Variants in DIS3L2 observed in about 807,000 individuals in gnomAD.
DIS3L2 encodes DIS3-like exonuclease 2.
DIS3L2 carries 34 observed loss-of-function variants against 97.5 expected under a neutral mutation model. The ratio of observed to expected loss-of-function variants is 0.35; its 90% confidence interval spans 0.27 to 0.46. The LOEUF is 0.46. Ranked by LOEUF, DIS3L2 falls within the 20% of genes least tolerant of loss-of-function variation. The pLI is 1.00. For synonymous variants in DIS3L2, 435 were observed against 445.2 expected (o/e 0.98, Z 0.29); for missense variants, 1,038 against 1,146.0 (o/e 0.91, Z 1.36).
At chr2:232,016,540 G>A (rs2106223014) in intron 3 of DIS3L2, among the ~76,000 whole-genome samples, 1 of 152,288 alleles carries the variant, frequency 6.6e-6, no homozygotes, top group African/African-American at 2.4e-5. Context: ...GGTAGGTATT[G>A]AGGGTCTAGT....
At chr2:231,985,364 A>G (rs1201227453) in intron 1 of DIS3L2, among the ~76,000 whole-genome samples, 3 of 152,208 alleles carry the variant, frequency 2.0e-5, no homozygotes, top group Non-Finnish European at 2.9e-5. Flanking sequence ...TTCTTTATTC[A>G]GTGTAATTCC....
In DIS3L2 at chr2:232,210,686, C is replaced by T. The variant is rs60315630; in HGVS notation, c.1204+281C>T. ...GAGTGCTAAAGAATGAATTCCAAGC[C>T]TTGGCCCTTCAGATGGTTCCAGTGT... is the stretch of plus-strand genomic sequence containing the variant. On this transcript the variant is annotated intron_variant, in intron 10 of 20. Transcript: ENST00000325385. Among the ~76,000 whole-genome samples, 322 of 152,338 alleles carry T rather than the reference C, an allele frequency of 2.1e-3. 2 individuals are homozygous for T. Among genetic ancestry groups the T allele is most frequent in the African/African-American group, 7.2e-3 (299 of 41,576 alleles).
chr2:232,216,182 C>G (rs1692327187), intron 10 of DIS3L2, among the ~76,000 whole-genome samples: 1 of 152,230 alleles, frequency 6.6e-6, no homozygotes, highest in Non-Finnish European at 1.5e-5. Flanking sequence ...TATTCCTTAT[C>G]CCTTTTACAG....
chr2:232,339,304 C>T (rs1253862139), downstream of DIS3L2, among the ~76,000 whole-genome samples: 5 of 152,216 alleles, frequency 3.3e-5, no homozygotes, highest in South Asian at 6.2e-4. Context: ...CCAGAGGAGG[C>T]GAGGCCTCTG....
chr2:232,174,749 A>G (rs1227822757), intron 9 of DIS3L2, among the ~76,000 whole-genome samples: 1 of 152,116 alleles, frequency 6.6e-6, no homozygotes, highest in Admixed American at 6.5e-5. Context: ...TACTCAAGCT[A>G]GGACCTTCTG....
At chr2:231,985,479 C>T (rs895571784) in intron 1 of DIS3L2, among the ~76,000 whole-genome samples, 4 of 152,178 alleles carry the variant, frequency 2.6e-5, no homozygotes, top group African/African-American at 9.7e-5. Context: ...AACCATTCAT[C>T]TGTTGAATGA....
chr2:232,080,726 C>T (rs1049473093), intron 5 of DIS3L2, among the ~76,000 whole-genome samples: 1 of 151,810 alleles, frequency 6.6e-6, no homozygotes, highest in African/African-American at 2.4e-5. Context: ...CATGACAAAA[C>T]CCCATCTCTA....
chr2:232,338,948 G>T (rs73995237), downstream of DIS3L2, among the ~76,000 whole-genome samples: 1 of 152,260 alleles, frequency 6.6e-6, no homozygotes. Context: ...AGGAGACACC[G>T]TGGGGGAGGG....
chr2:232,324,827 T>C (rs1041260787), intron 14 of DIS3L2, among the ~76,000 whole-genome samples: 1 of 152,152 alleles, frequency 6.6e-6, no homozygotes, highest in East Asian at 1.9e-4. Context: ...GGGAAACAAA[T>C]TGAGATTACA....
At chr2:232,287,272 T>G (rs934205473) in intron 13 of DIS3L2, among the ~76,000 whole-genome samples, 1 of 152,110 alleles carries the variant, frequency 6.6e-6, no homozygotes, top group Non-Finnish European at 1.5e-5. Flanking sequence ...TTAAATGATT[T>G]TCAACTGTGA....
At chr2:232,059,768 A>G (rs1695650244) in intron 5 of DIS3L2, among the ~76,000 whole-genome samples, 1 of 152,142 alleles carries the variant, frequency 6.6e-6, no homozygotes, top group Non-Finnish European at 1.5e-5. Flanking sequence ...TTTACTTAGG[A>G]TAGTGGCCTC....
At chr2:232,327,177 T>A (rs147767486) in intron 14 of DIS3L2, among the ~76,000 whole-genome samples, 3,455 of 151,906 alleles carry the variant, frequency 0.023, 100 homozygotes, top group African/African-American at 0.072. Context: ...CACAGAGGAG[T>A]AACCAGGGGC....
intron 14 of DIS3L2, among the ~76,000 whole-genome samples, chr2:232,319,708 G>A (rs1452667106): frequency 1.3e-5 from 2 of 152,244 alleles, no homozygotes; most frequent in East Asian, 1.9e-4. Context: ...CCAGGTACCA[G>A]GAGAGCTTTC....
intron 12 of DIS3L2, among the ~76,000 whole-genome samples, chr2:232,262,995 A>G (rs1296523489): frequency 1.3e-5 from 2 of 152,244 alleles, no homozygotes; most frequent in African/African-American, 4.8e-5. Flanking sequence ...CCATTGGATT[A>G]ATTCCACGCC....
At chr2:232,084,977 C>G (rs1463519038) in intron 5 of DIS3L2, among the ~76,000 whole-genome samples, 1 of 152,034 alleles carries the variant, frequency 6.6e-6, no homozygotes, top group African/African-American at 2.4e-5. Flanking sequence ...GTTAATTGAA[C>G]CTACTGTATT....
Position 232,174,097 on chromosome 2 carries a change from T to C in DIS3L2, c.1124+10465T>C, listed in dbSNP as rs144057036. Among the ~76,000 whole-genome samples, 773 of 152,316 alleles carry C rather than the reference T, an allele frequency of 5.1e-3. 19 individuals carry two copies. The South Asian group carries it at 0.075, about 15-fold the overall frequency. On this transcript the variant is annotated intron_variant, in intron 9 of 20. Transcript: ENST00000325385. Reference sequence around the variant, plus strand: ...GATGTCTGTCCATTAATTAGGTCTTTAATTTCTTTCAATGATGTTTTGTAG... The same window carrying C: ...GATGTCTGTCCATTAATTAGGTCTTCAATTTCTTTCAATGATGTTTTGTAG...
Position 232,336,797 on chromosome 2 carries a change from G to C in DIS3L2, c.*167G>C. On this transcript the variant is annotated 3_prime_UTR_variant, in exon 21 of 21. Transcript: ENST00000325385. ...CTCAACTTTTAAACAAACTGCAGGG[G>C]AGAGGGTGGGGCTGGAAGGAAGGCT... 3 of 1,440,802 alleles carry C rather than the reference G, an allele frequency of 2.1e-6. No homozygotes were observed. The South Asian group carries it at 4.4e-5, about 21-fold the overall frequency. The allele number at this position is 1,440,802 out of a possible 1,614,324, so 89.3% of individuals were successfully genotyped here. A position where few individuals can be genotyped will look rare whatever the true frequency, so the allele number is the denominator to read the frequency against.
chr2:232,187,387 T>G (rs1461253193), intron 9 of DIS3L2, among the ~76,000 whole-genome samples: 1 of 152,150 alleles, frequency 6.6e-6, no homozygotes, highest in African/African-American at 2.4e-5. Context: ...CCATATGACC[T>G]AGCAATTTTA....
At chr2:232,249,120 GCCAC>G (rs1693346036) in intron 11 of DIS3L2, 115 bp from the exon 12 acceptor site, 1 of 892,622 alleles carries the variant, frequency 1.1e-6, no homozygotes. Flanking sequence ...TGGGAACAGA[GCCAC>G]CTCCATCTTC....
Sources: gnomAD v4.1 joint callset for allele counts (sites outside exome capture counted in the v4.1 genomes callset) on GRCh38, gnomAD v4.1.1 for gene constraint, MANE v1.5 for transcripts, NCBI Gene and HGNC (gene_info 2026-07-23, HGNC 2026-07-21) for gene names.